Variants in CLIC5 observed in about 807,000 individuals in gnomAD.
The protein encoded by CLIC5 is CLIC family member 5, also known as chloride intracellular channel protein 5.
Under a neutral mutation model 24.7 loss-of-function variants are expected in CLIC5, and 20 were observed. That is an observed-to-expected ratio of 0.81 (90% confidence interval 0.57 to 1.18). The LOEUF (loss-of-function observed/expected upper bound fraction) is 1.18, where lower values mean the gene tolerates loss of function less well. CLIC5 is among the 50% of genes most tolerant of loss of function. The probability of loss-of-function intolerance (pLI) is 0.00; values close to 1 mark genes in which losing one functional copy is unlikely to be tolerated. For missense variants in CLIC5, 341 were observed against 326.1 expected (o/e 1.05, Z -0.35); for synonymous variants, 159 against 135.6 (o/e 1.17, Z -1.20).
intron 5 of CLIC5, 94 bp from the exon 6 acceptor site, chr6:45,903,349 G>T: frequency 1.7e-6 from 2 of 1,147,836 alleles, no homozygotes; most frequent in Non-Finnish European, 2.4e-6. Context: ...TGCACTGCAG[G>T]AAACCTCCGT....
At chr6:46,021,714 C>T (rs1181421272) in intron 1 of CLIC5, among the ~76,000 whole-genome samples, 1 of 152,180 alleles carries the variant, frequency 6.6e-6, no homozygotes, top group Non-Finnish European at 1.5e-5. Flanking sequence ...GTTTCATTTA[C>T]ATGACATTCT....
chr6:45,957,863 T>C (rs917224757), intron 1 of CLIC5, among the ~76,000 whole-genome samples: 1 of 152,210 alleles, frequency 6.6e-6, no homozygotes, highest in Middle Eastern at 3.4e-3. Context: ...ATCTGAAACA[T>C]CAACAGAGAA....
intron 5 of CLIC5, among the ~76,000 whole-genome samples, chr6:45,908,157 T>G (rs1040806496): frequency 6.6e-6 from 1 of 152,128 alleles, no homozygotes; most frequent in Non-Finnish European, 1.5e-5. Context: ...GATTTTCTTT[T>G]TTGTTGTTGT....
intron 1 of CLIC5, among the ~76,000 whole-genome samples, chr6:46,057,817 A>G (rs2127468657): frequency 6.6e-6 from 1 of 152,332 alleles, no homozygotes; most frequent in East Asian, 1.9e-4. Flanking sequence ...CCAGTTCATG[A>G]CAGCCAGCTG....
chr6:46,013,748 T>G (rs1766888990), intron 1 of CLIC5, among the ~76,000 whole-genome samples: 1 of 152,346 alleles, frequency 6.6e-6, no homozygotes, highest in East Asian at 1.9e-4. Context: ...AAGGGCTCCT[T>G]TGGTTCTAAA....
At position 45,912,170 on chromosome 6, in the gene CLIC5, G is replaced by A; in HGVS notation, c.588+2058C>T. 5 of 986,428 alleles carry A rather than the reference G, an allele frequency of 5.1e-6. No individual in the cohort carries two copies. The South Asian group carries it at 2.3e-4, about 46-fold the overall frequency. The allele number at this position is 986,428 out of a possible 1,614,324, so 61.1% of individuals were successfully genotyped here. ...TTTGGCATCCGAAGCCAAACTGGAGGCCTGACTTGGCTTCCCCTTCGCTCT... is the reference window on the plus strand; with the variant it reads ...TTTGGCATCCGAAGCCAAACTGGAGACCTGACTTGGCTTCCCCTTCGCTCT... On this transcript the variant is annotated intron_variant, in intron 5 of 5. Transcript: ENST00000339561.
At chr6:46,047,750 G>A (rs1457600690) in intron 1 of CLIC5, among the ~76,000 whole-genome samples, 7 of 152,088 alleles carry the variant, frequency 4.6e-5, no homozygotes, top group African/African-American at 1.4e-4. Flanking sequence ...TCCTAGTGGA[G>A]GAATTGTGTT....
chr6:45,902,999 A>C lies in CLIC5; in HGVS notation c.*89T>G. The C allele has an allele frequency of 2.8e-6, 4 of 1,424,454 alleles. No homozygotes were observed. The highest frequency in any genetic ancestry group is 3.9e-6 in the Non-Finnish European group (4 of 1,025,756). 88.2% of individuals were successfully genotyped at this position (1,424,454 alleles called of 1,614,324 possible). The stretch of plus-strand genomic sequence containing the variant: ...GCTTGATTATAAAAAGTGCGCCTCA[A>C]GGCAGTGATACAGAGGAGTCTATGA... On this transcript the variant is annotated 3_prime_UTR_variant, in exon 6 of 6. Transcript: ENST00000339561.
chr6:46,002,943 C>T (rs940328465), intron 1 of CLIC5, among the ~76,000 whole-genome samples: 8 of 152,214 alleles, frequency 5.3e-5, no homozygotes, highest in Non-Finnish European at 1.0e-4. Context: ...TGATTTAGCG[C>T]AGCAATTTCT....
At chr6:45,914,828 G>A (rs1762963064) in intron 4 of CLIC5, among the ~76,000 whole-genome samples, 1 of 147,848 alleles carries the variant, frequency 6.8e-6, no homozygotes, top group African/African-American at 2.5e-5. Context: ...GCACGCGCCT[G>A]TAGTCCCAGC....
chr6:46,119,124 C>T, the CLIC5 span, among the ~76,000 whole-genome samples: 1 of 152,166 alleles, frequency 6.6e-6, no homozygotes, highest in African/African-American at 2.4e-5. Flanking sequence ...CCCTGCTGAC[C>T]CATTCTCAGC....
chr6:45,923,717 T>A (rs1763364095), intron 4 of CLIC5, among the ~76,000 whole-genome samples: 1 of 152,248 alleles, frequency 6.6e-6, no homozygotes. Context: ...TGAGTATTCA[T>A]CGGATCGTGA....
chr6:45,947,266 G>A (rs137857324), intron 3 of CLIC5, among the ~76,000 whole-genome samples: 187 of 152,342 alleles, frequency 1.2e-3, no homozygotes, highest in African/African-American at 4.3e-3. Flanking sequence ...GAAAGGCACA[G>A]TTGCACTGGG....
intron 1 of CLIC5, among the ~76,000 whole-genome samples, chr6:46,046,791 C>G (rs1394234424): frequency 6.6e-6 from 1 of 152,168 alleles, no homozygotes; most frequent in Non-Finnish European, 1.5e-5. Context: ...GCGGAGATGA[C>G]CAGTCCTCAC....
At chr6:45,944,388 C>T (rs1027686917) in intron 3 of CLIC5, among the ~76,000 whole-genome samples, 1 of 151,764 alleles carries the variant, frequency 6.6e-6, no homozygotes, top group African/African-American at 2.4e-5. Flanking sequence ...CTGAAGGGCC[C>T]ACAAAGCCAA....
intron 1 of CLIC5, among the ~76,000 whole-genome samples, chr6:45,982,515 A>G (rs986608135): frequency 6.6e-6 from 1 of 152,144 alleles, no homozygotes; most frequent in Non-Finnish European, 1.5e-5. Flanking sequence ...TAGGTTATAT[A>G]GTGTAGTCTA....
chr6:45,952,810 C>T (rs1260496610), intron 2 of CLIC5, among the ~76,000 whole-genome samples: 1 of 152,164 alleles, frequency 6.6e-6, no homozygotes, highest in African/African-American at 2.4e-5. Context: ...CTCCAGCAAA[C>T]ATACAAGTCC....
At chr6:45,927,063 G>A (rs1258370308) in intron 4 of CLIC5, among the ~76,000 whole-genome samples, 3 of 152,182 alleles carry the variant, frequency 2.0e-5, no homozygotes, top group African/African-American at 7.2e-5. Flanking sequence ...GCGGGGACAG[G>A]AAGTGGCTGG....
At chr6:46,109,933 C>A in the CLIC5 span, among the ~76,000 whole-genome samples, 1 of 148,614 alleles carries the variant, frequency 6.7e-6, no homozygotes, top group East Asian at 1.9e-4. Context: ...CTTTGGAATA[C>A]CAAATTCTGT....
Sources: gnomAD v4.1 joint callset for allele counts (sites outside exome capture counted in the v4.1 genomes callset) on GRCh38, gnomAD v4.1.1 for gene constraint, MANE v1.5 for transcripts, NCBI Gene and HGNC (gene_info 2026-07-23, HGNC 2026-07-21) for gene names.